The following HOPX variants were observed in gnomAD, a reference collection of about 807,000 sequenced individuals.
HOPX encodes the protein HOP homeobox.
In HOPX, 5 loss-of-function variants were observed where a neutral mutation model predicts 11.8. That is an observed-to-expected ratio of 0.43 (90% CI 0.22 to 0.89). The LOEUF is 0.89. Among genes scored for constraint, HOPX ranks in the 40% least tolerant of loss-of-function variants. HOPX has a pLI of 0.28. For synonymous variants in HOPX, 49 were observed against 49.7 expected, an observed-to-expected ratio of 0.99 and a Z score of 0.06; for missense variants, 119 against 120.0, an observed-to-expected ratio of 0.99 and a Z score of 0.04.
At chr4:56,681,044 C>T (rs993176372) in intron 1 of HOPX, 14 of 985,206 alleles carry the variant, frequency 1.4e-5, no homozygotes, top group African/African-American at 1.7e-5. Flanking sequence ...TTCCCCTCGA[C>T]CCCATGCAGT....
At chr4:56,678,447 T>TG (rs1719137617) in intron 1 of HOPX, among the ~76,000 whole-genome samples, 1 of 142,808 alleles carries the variant, frequency 7.0e-6, no homozygotes, top group Non-Finnish European at 1.5e-5. Context: ...GATTTTTTTT[T>TG]TTTTTTTTTT....
rs186253321 is a variant in HOPX at position 56,678,349 on chromosome 4, G to C, written c.-84+2906C>G. Among the ~76,000 whole-genome samples the C allele has an allele frequency of 7.5e-4, 114 of 151,070 alleles. 9 individuals are homozygous for C. The highest frequency in any genetic ancestry group is 2.8e-3 in the African/African-American group (114 of 40,608). ...GGTTTTCATCCCTAGCTGCACATTA[G>C]ACTCACCTGGGGAACTTTAAAAACC... On this transcript the variant is annotated intron_variant, in intron 1 of 3. Transcript: ENST00000420433.
chr4:56,670,560 A>T (rs1340374823), intron 1 of HOPX, among the ~76,000 whole-genome samples: 1 of 152,240 alleles, frequency 6.6e-6, no homozygotes, highest in Non-Finnish European at 1.5e-5. Context: ...TTGATTGCCC[A>T]TTTAACTTCT....
chr4:56,677,386 A>G (rs1172042025), intron 1 of HOPX, among the ~76,000 whole-genome samples: 1 of 151,724 alleles, frequency 6.6e-6, no homozygotes, highest in Non-Finnish European at 1.5e-5. Context: ...TAAAACTTTG[A>G]TTTGCCTGAT....
At chr4:56,651,882 G>GTT (rs765340474) in intron 3 of HOPX, among the ~76,000 whole-genome samples, 1,421 of 126,276 alleles carry the variant, frequency 0.011, 12 homozygotes, top group African/African-American at 0.016. Flanking sequence ...GAGTGTGTGT[G>GTT]TGTGTGTGTG....
chr4:56,651,560 C>T (rs944049600), intron 3 of HOPX, among the ~76,000 whole-genome samples: 1 of 152,094 alleles, frequency 6.6e-6, no homozygotes, highest in African/African-American at 2.4e-5. Context: ...TTACCCTTGC[C>T]CATTGATGGA....
intron 1 of HOPX, chr4:56,665,683 G>A: frequency 6.6e-6 from 1 of 152,132 alleles, no homozygotes; most frequent in African/African-American, 2.4e-5. Flanking sequence ...AAGTGCCTTA[G>A]ATGCATTCAT....
At chr4:56,666,858 C>G (rs1180924427) in intron 1 of HOPX, among the ~76,000 whole-genome samples, 1 of 151,652 alleles carries the variant, frequency 6.6e-6, no homozygotes, top group African/African-American at 2.4e-5. Context: ...AGATAAGATC[C>G]CAGGCTAACC....
At position 56,669,893 on chromosome 4, in the gene HOPX, A is replaced by G. The variant is rs114282468; in HGVS notation, c.-84+11362T>C. Among the ~76,000 whole-genome samples, 384 of 152,240 alleles carry G rather than the reference A, an allele frequency of 2.5e-3. 1 individual carries two copies. The highest frequency in any genetic ancestry group is 0.01 in the Middle Eastern group (3 of 294). The stretch of plus-strand genomic sequence containing the variant: ...GGTCTGTTAGGATGCTGGAGGAAAG[A>G]ACAACATATACTTAACCACAGTGAT... On this transcript the variant is annotated intron_variant, in intron 1 of 3. Transcript: ENST00000420433.
chr4:56,656,285 G>C (rs539542910), intron 2 of HOPX: 27 of 1,152,618 alleles, frequency 2.3e-5, no homozygotes, highest in Middle Eastern at 3.6e-4. Context: ...CCCCTTGCAG[G>C]AACTGTATCC....
intron 3 of HOPX, chr4:56,650,410 G>A: frequency 2.7e-6 from 1 of 363,824 alleles, no homozygotes; most frequent in South Asian, 3.6e-5. Context: ...CAGATACTCA[G>A]AATGAACAGG....
At chr4:56,662,320 T>G (rs1434039633) in intron 1 of HOPX, 1 of 152,206 alleles carries the variant, frequency 6.6e-6, no homozygotes, top group African/African-American at 2.4e-5. Flanking sequence ...TAGTTCTATT[T>G]TGAGGTTTTT....
At chr4:56,672,060 G>C (rs916971753) in intron 1 of HOPX, among the ~76,000 whole-genome samples, 10 of 151,984 alleles carry the variant, frequency 6.6e-5, no homozygotes, top group African/African-American at 2.4e-4. Context: ...AGTGACTCAG[G>C]ATATAATTGG....
intron 1 of HOPX, chr4:56,680,689 T>G (rs1343904908): frequency 7.4e-6 from 1 of 135,246 alleles, no homozygotes; most frequent in African/African-American, 2.7e-5. Context: ...CTGGGATTCC[T>G]TTTCATCTCA....
chr4:56,653,197 C>T (rs1307704061), intron 3 of HOPX, among the ~76,000 whole-genome samples: 1 of 151,974 alleles, frequency 6.6e-6, no homozygotes, highest in Admixed American at 6.6e-5. Context: ...ACCAGCACAC[C>T]TGTTTGATTT....
At chr4:56,655,048 T>G in intron 3 of HOPX, among the ~76,000 whole-genome samples, 1 of 152,186 alleles carries the variant, frequency 6.6e-6, no homozygotes, top group Non-Finnish European at 1.5e-5. Flanking sequence ...CAGGCCGTGT[T>G]GCATTCTTTA....
chr4:56,660,861 T>A (rs1448124813), intron 1 of HOPX, among the ~76,000 whole-genome samples: 1 of 152,214 alleles, frequency 6.6e-6, no homozygotes, highest in Non-Finnish European at 1.5e-5. Context: ...GGAAGCTACC[T>A]GTTTTTTTCC....
At chr4:56,665,516 A>C (rs1718381890) in intron 1 of HOPX, 1 of 152,220 alleles carries the variant, frequency 6.6e-6, no homozygotes, top group Non-Finnish European at 1.5e-5. Flanking sequence ...AAAATTGGAG[A>C]AAATAACACT....
At chr4:56,656,307 G>A (rs1299221502) in intron 2 of HOPX, 19 of 1,112,086 alleles carry the variant, frequency 1.7e-5, no homozygotes, top group Non-Finnish European at 2.1e-5. Flanking sequence ...TGCCTGCGAC[G>A]GGGGCGAGAT....
Sources: gnomAD v4.1 joint callset for allele counts (sites outside exome capture counted in the v4.1 genomes callset) on GRCh38, gnomAD v4.1.1 for gene constraint, MANE v1.5 for transcripts, NCBI Gene and HGNC (gene_info 2026-07-23, HGNC 2026-07-21) for gene names.